POLH: variants seen among roughly 807,000 people sequenced by gnomAD.
POLH encodes the protein DNA polymerase eta transcript.
A neutral mutation model predicts 73.6 loss-of-function variants in POLH; 53 were observed. The ratio of observed to expected loss-of-function variants is 0.72; its 90% CI spans 0.58 to 0.91. The LOEUF (loss-of-function observed/expected upper bound fraction) is 0.91, where lower values mean the gene tolerates loss of function less well. Among genes scored for constraint, POLH ranks in the 40% least tolerant of loss-of-function variants. The pLI is 0.00. For missense variants in POLH, 768 were observed against 865.4 expected (o/e 0.89, Z 1.41); for synonymous variants, 292 against 308.5 (o/e 0.95, Z 0.56).
chr6:43,594,638 TG>T (rs1765841672), intron 4 of POLH, among the ~76,000 whole-genome samples: 1 of 152,008 alleles, frequency 6.6e-6, no homozygotes, highest in South Asian at 2.1e-4. Flanking sequence ...ACCTGGGAGG[TG>T]GAGGTTGCAG....
At chr6:43,581,827 G>C (rs1035485108) in intron 1 of POLH, among the ~76,000 whole-genome samples, 5 of 151,104 alleles carry the variant, frequency 3.3e-5, no homozygotes, top group African/African-American at 1.2e-4. Context: ...CACCATGGCC[G>C]GACGGGCTCC....
chr6:43,597,831 G>T lies in POLH; in HGVS notation c.626G>T (p.Gly209Val), dbSNP rs2307456. The change falls in exon 5 of 11, where the codon GGT becomes GTT. Residue 209 changes from glycine to valine, a missense_variant. Coordinates refer to ENST00000372236, the MANE Select transcript of POLH (RefSeq NM_006502.3). ...EMRAAIERETGFQCSAGISHN... is the reference protein window; with the variant it reads ...EMRAAIERETVFQCSAGISHN... ...AGAGCAGCCATAGAGAGGGAGACTG[G>T]TTTTCAGTGTTCAGCTGGAATTTCA... 3.3e-3 allele frequency: 5,279 copies of T among 1,613,940 alleles called. 16 individuals are homozygous for T. The highest frequency in any genetic ancestry group is 0.01 in the South Asian group (920 of 91,088).
chr6:43,609,425 T>C (rs1287365930), intron 9 of POLH, among the ~76,000 whole-genome samples: 1 of 152,234 alleles, frequency 6.6e-6, no homozygotes, highest in African/African-American at 2.4e-5. Context: ...TAGTTCCTGC[T>C]CTTAGCTTGT....
chr6:43,605,755 G>A (rs150481559), intron 9 of POLH, among the ~76,000 whole-genome samples: 8,256 of 151,256 alleles, frequency 0.055, 323 homozygotes, highest in African/African-American at 0.11. Context: ...TTTCCCTCTT[G>A]CTGCCCAGGC....
At chr6:43,581,107 G>A (rs1484607435) in intron 1 of POLH, among the ~76,000 whole-genome samples, 1 of 143,506 alleles carries the variant, frequency 7.0e-6, no homozygotes, top group East Asian at 2.2e-4. Context: ...CGGGGCAGCT[G>A]CCGGGCGGAG....
chr6:43,591,057 C>T (rs971405269), intron 4 of POLH: 3 of 151,732 alleles, frequency 2.0e-5, no homozygotes, highest in Non-Finnish European at 2.9e-5. Flanking sequence ...AAGCTTGTGA[C>T]TTAAGGAATT....
chr6:43,584,303 A>G (rs979496122), intron 3 of POLH, among the ~76,000 whole-genome samples: 1 of 152,182 alleles, frequency 6.6e-6, no homozygotes, highest in African/African-American at 2.4e-5. Flanking sequence ...TTCTAATTCT[A>G]ATTCTATGAA....
rs1768355979 is a variant in POLH at position 43,616,451 on chromosome 6, T to C, written c.*1894T>C. 6.9e-6 allele frequency among the ~76,000 whole-genome samples: 1 copy of C among 145,158 alleles called. No individual in the cohort carries two copies. The highest frequency in any genetic ancestry group is 6.8e-5 in the Admixed American group (1 of 14,600). On this transcript the variant is annotated 3_prime_UTR_variant, in exon 11 of 11. Coordinates refer to ENST00000372236, the MANE Select transcript of POLH (RefSeq NM_006502.3). ...TCTACTAAAAAAAATTAGCTGGGCTTGGTGGCAGGCGCCTGTAATCCCAGG... is the reference window on the plus strand; with the variant it reads ...TCTACTAAAAAAAATTAGCTGGGCTCGGTGGCAGGCGCCTGTAATCCCAGG...
At chr6:43,587,570 A>C in intron 4 of POLH, 81 bp downstream of exon 4, 1 of 954,822 alleles carries the variant, frequency 1.0e-6, no homozygotes, top group Admixed American at 1.9e-5. Flanking sequence ...TCCTTGGAAT[A>C]ATTGAAAGGA....
At chr6:43,598,108 G>A (rs751252858) in intron 5 of POLH, among the ~76,000 whole-genome samples, 5 of 151,034 alleles carry the variant, frequency 3.3e-5, no homozygotes, top group Non-Finnish European at 7.4e-5. Context: ...AGGAGGCTGA[G>A]ATGGGAGGAT....
rs543726234 is a variant in POLH at position 43,579,592 on chromosome 6, C to T, written c.-4-2724C>T. Among the ~76,000 whole-genome samples, 8 of 152,304 alleles carry T rather than the reference C, an allele frequency of 5.3e-5. No individual in the cohort carries two copies. The South Asian group carries it at 1.5e-3, about 28-fold the overall frequency. ...GATTACCTGAGTTCTGTGAGCCACT[C>T]TGGCAAATTAACTGAACCCAAAGAG... On this transcript the variant is annotated intron_variant, in intron 1 of 10. Coordinates refer to ENST00000372236, the MANE Select transcript of POLH (RefSeq NM_006502.3).
chr6:43,577,074 G>C (rs2127763932), intron 1 of POLH, among the ~76,000 whole-genome samples: 1 of 152,344 alleles, frequency 6.6e-6, no homozygotes, highest in South Asian at 2.1e-4. Context: ...AGCTACTCGG[G>C]AGGCTGAGGT....
At chr6:43,583,269 C>G in intron 3 of POLH, 128 bp downstream of exon 3, 1 of 805,948 alleles carries the variant, frequency 1.2e-6, no homozygotes, top group East Asian at 2.6e-5. Flanking sequence ...GGTTAGCCAT[C>G]TTGTCTCTGT....
At chr6:43,610,024 A>C (rs953309670) in intron 9 of POLH, among the ~76,000 whole-genome samples, 1 of 151,076 alleles carries the variant, frequency 6.6e-6, no homozygotes, top group African/African-American at 2.4e-5. Flanking sequence ...ATTTCTATTC[A>C]GAAAATGCAT....
Position 43,609,867 on chromosome 6 carries a change from C to A in POLH, c.1075-687C>A, listed in dbSNP as rs182542850. On this transcript the variant is annotated intron_variant, in intron 9 of 10. Transcript: ENST00000372236. The stretch of plus-strand genomic sequence containing the variant: ...ACCATGAAAAACATTTAGGGGAGTC[C>A]CATTTTCATTTGTGCTGTCCTGTTC... Among the ~76,000 whole-genome samples the A allele has an allele frequency of 3.0e-4, 46 of 152,038 alleles. 1 individual carries two copies. The highest frequency in any genetic ancestry group is 1.1e-3 in the African/African-American group (45 of 41,460).
At chr6:43,583,917 A>G (rs1764535487) in intron 3 of POLH, among the ~76,000 whole-genome samples, 2 of 152,208 alleles carry the variant, frequency 1.3e-5, no homozygotes, top group East Asian at 1.9e-4. Context: ...ACTTGAGTCC[A>G]GGACACCAGC....
chr6:43,598,201 CAAA>C (rs560020212), intron 5 of POLH, among the ~76,000 whole-genome samples: 17 of 73,248 alleles, frequency 2.3e-4, no homozygotes, highest in Admixed American at 3.1e-4. Context: ...AGACTGTCAC[CAAA>C]AAAAAAAAAA....
intron 4 of POLH, among the ~76,000 whole-genome samples, chr6:43,594,204 TCTAA>T (rs1447755753): frequency 6.6e-6 from 1 of 152,152 alleles, no homozygotes; most frequent in Non-Finnish European, 1.5e-5. Flanking sequence ...AAAATTTAGC[TCTAA>T]CTGTTTAAAA....
intron 1 of POLH, among the ~76,000 whole-genome samples, chr6:43,576,895 C>T (rs956923717): frequency 1.4e-4 from 21 of 152,246 alleles, no homozygotes; most frequent in African/African-American, 5.1e-4. Context: ...GTGGCTCACG[C>T]CTGTAATCCC....
Sources: gnomAD v4.1 joint callset for allele counts (sites outside exome capture counted in the v4.1 genomes callset) on GRCh38, gnomAD v4.1.1 for gene constraint, MANE v1.5 for transcripts, NCBI Gene and HGNC (gene_info 2026-07-23, HGNC 2026-07-21) for gene names.